Variants in RIMS2 observed in about 807,000 individuals in gnomAD.
RIMS2 encodes the protein regulating synaptic membrane exocytosis protein 2.
Under a neutral mutation model 174.4 loss-of-function variants are expected in RIMS2, and 59 were observed. The observed-to-expected ratio is 0.34, with a 90% CI of 0.27 to 0.42. The LOEUF (loss-of-function observed/expected upper bound fraction) is 0.42. Ranked by LOEUF, RIMS2 falls within the 10% of genes least tolerant of loss-of-function variation. RIMS2 has a pLI of 1.00. For synonymous variants in RIMS2, 606 were observed against 572.5 expected (o/e 1.06, Z -0.84); for missense variants, 1,620 against 1,666.3 (o/e 0.97, Z 0.48).
At chr8:103,756,383 T>A (rs976743322) in intron 2 of RIMS2, among the ~76,000 whole-genome samples, 2 of 131,002 alleles carry the variant, frequency 1.5e-5, no homozygotes, top group Admixed American at 1.5e-4. Flanking sequence ...TTGTTGTTGT[T>A]GTTTTTGTTT....
intron 3 of RIMS2, among the ~76,000 whole-genome samples, chr8:103,795,541 G>T (rs2098543272): frequency 6.6e-6 from 1 of 151,998 alleles, no homozygotes; most frequent in Non-Finnish European, 1.5e-5. Context: ...TAACAAACCT[G>T]CACGTTGTGT....
At chr8:103,935,900 A>G (rs1389541243) in intron 12 of RIMS2, among the ~76,000 whole-genome samples, 2 of 152,244 alleles carry the variant, frequency 1.3e-5, no homozygotes, top group Non-Finnish European at 1.5e-5. Context: ...AACGAAAAAG[A>G]ACATGAAAAC....
intron 1 of RIMS2, among the ~76,000 whole-genome samples, chr8:103,556,605 A>G (rs564417996): frequency 6.6e-6 from 1 of 152,292 alleles, no homozygotes; most frequent in African/African-American, 2.4e-5. Context: ...ATAGGAAATT[A>G]TATGTATTAG....
At chr8:103,701,014 TTAAA>T (rs1229066909) in intron 2 of RIMS2, among the ~76,000 whole-genome samples, 3 of 152,082 alleles carry the variant, frequency 2.0e-5, no homozygotes, top group African/African-American at 7.2e-5. Context: ...GTTTCAAATA[TTAAA>T]TAATTTTTGA....
intron 2 of RIMS2, among the ~76,000 whole-genome samples, chr8:103,722,056 A>G (rs2097456545): frequency 6.6e-6 from 1 of 152,080 alleles, no homozygotes; most frequent in Admixed American, 6.6e-5. Flanking sequence ...CAGGGTAGAT[A>G]TGTTTATTAA....
intron 19 of RIMS2, among the ~76,000 whole-genome samples, chr8:104,039,811 G>A (rs1242625670): frequency 1.3e-5 from 2 of 151,646 alleles, no homozygotes; most frequent in Non-Finnish European, 3.0e-5. Flanking sequence ...AATATAGCAT[G>A]TGTCATTTTA....
At chr8:103,590,793 T>A (rs528679847) in intron 1 of RIMS2, among the ~76,000 whole-genome samples, 1 of 151,434 alleles carries the variant, frequency 6.6e-6, no homozygotes, top group South Asian at 2.1e-4. Flanking sequence ...GTTTTTGAGA[T>A]TCATTTATGT....
At chr8:104,063,888 T>A (rs2097054319) in intron 19 of RIMS2, among the ~76,000 whole-genome samples, 1 of 152,184 alleles carries the variant, frequency 6.6e-6, no homozygotes, top group Admixed American at 6.6e-5. Flanking sequence ...AGTCTCTCTC[T>A]CTGTCTTTGT....
Position 103,911,594 on chromosome 8 carries a change from T to C in RIMS2, c.1693-459T>C, listed in dbSNP as rs148250265. ...GTAATGTTTTAATATGATTTGACTT[T>C]TAAATTTTTACTGTAATACAGGCTT... On this transcript the variant is annotated intron_variant, in intron 5 of 23. Coordinates refer to ENST00000504942, the Ensembl canonical transcript of RIMS2. Among the ~76,000 whole-genome samples, 505 of 152,324 alleles carry C rather than the reference T, an allele frequency of 3.3e-3. 2 individuals are homozygous for C. Among genetic ancestry groups the C allele is most frequent in the African/African-American group, 0.011 (478 of 41,584 alleles).
chr8:104,102,700 C>T (rs979395990), intron 19 of RIMS2, among the ~76,000 whole-genome samples: 2 of 152,144 alleles, frequency 1.3e-5, no homozygotes, highest in Non-Finnish European at 2.9e-5. Flanking sequence ...TACACGGCAG[C>T]AGTCAAGAGA....
At chr8:103,599,447 T>C (rs904462340) in intron 1 of RIMS2, among the ~76,000 whole-genome samples, 6 of 149,074 alleles carry the variant, frequency 4.0e-5, no homozygotes, top group Non-Finnish European at 5.9e-5. Context: ...TATATATATT[T>C]TTTTTCTTTG....
At chr8:103,949,335 A>G (rs1333593754) in intron 14 of RIMS2, among the ~76,000 whole-genome samples, 1 of 152,204 alleles carries the variant, frequency 6.6e-6, no homozygotes, top group Non-Finnish European at 1.5e-5. Flanking sequence ...ACATTCTACA[A>G]GTCAGAAAAC....
chr8:103,933,849 T>C (rs868422230), intron 12 of RIMS2, among the ~76,000 whole-genome samples: 5 of 152,214 alleles, frequency 3.3e-5, no homozygotes, highest in Non-Finnish European at 4.4e-5. Flanking sequence ...TTATGAATTA[T>C]TAATTTTTTT....
At chr8:103,631,977 G>C (rs1193562384) in intron 1 of RIMS2, among the ~76,000 whole-genome samples, 1 of 152,136 alleles carries the variant, frequency 6.6e-6, no homozygotes, top group Non-Finnish European at 1.5e-5. Flanking sequence ...TGTTGATTTG[G>C]TGTCCTAAAA....
At chr8:103,953,219 A>G (rs1387876296) in intron 14 of RIMS2, among the ~76,000 whole-genome samples, 1 of 150,146 alleles carries the variant, frequency 6.7e-6, no homozygotes, top group Non-Finnish European at 1.5e-5. Flanking sequence ...CTGGCAAGGC[A>G]GGCCAACATT....
intron 3 of RIMS2, among the ~76,000 whole-genome samples, chr8:103,771,566 C>A (rs1019604758): frequency 5.3e-5 from 8 of 151,926 alleles, no homozygotes; most frequent in Admixed American, 5.2e-4. Flanking sequence ...AGACCTAGGC[C>A]CTGTTCTCAC....
intron 19 of RIMS2, among the ~76,000 whole-genome samples, chr8:104,073,809 A>T (rs1298917239): frequency 6.6e-6 from 1 of 152,182 alleles, no homozygotes; most frequent in Admixed American, 6.5e-5. Context: ...TTAGGCACCC[A>T]TTCACAGATC....
chr8:103,863,111 T>C (rs1205627597), intron 3 of RIMS2, among the ~76,000 whole-genome samples: 3 of 152,168 alleles, frequency 2.0e-5, no homozygotes, highest in South Asian at 4.1e-4. Context: ...TTGTCATAAA[T>C]AGCTCTTATT....
chr8:104,223,381 G>T (rs1362467281), intron 19 of RIMS2: 2 of 1,231,400 alleles, frequency 1.6e-6, no homozygotes, highest in South Asian at 3.1e-5. Flanking sequence ...TCCCGGGCGA[G>T]ACCTCGGACG....
Sources: gnomAD v4.1 joint callset for allele counts (sites outside exome capture counted in the v4.1 genomes callset) on GRCh38, gnomAD v4.1.1 for gene constraint, MANE v1.5 for transcripts, NCBI Gene and HGNC (gene_info 2026-07-23, HGNC 2026-07-21) for gene names.